Variants in LHCGR observed in about 807,000 individuals in gnomAD.
LHCGR encodes the protein luteinizing hormone/choriogonadotropin receptor, also known as lutropin-choriogonadotropic hormone receptor.
In LHCGR, 55 loss-of-function variants were observed where a neutral mutation model predicts 60.7. That is an observed-to-expected ratio of 0.91 (90% CI 0.73 to 1.13). The LOEUF (loss-of-function observed/expected upper bound fraction) is 1.13, where lower values mean the gene tolerates loss of function less well. LHCGR is among the 50% of genes most tolerant of loss of function. The pLI is 0.00. For missense variants in LHCGR, 862 were observed against 836.0 expected (o/e 1.03, Z -0.38); for synonymous variants, 337 against 316.5 (o/e 1.06, Z -0.69).
At chr2:48,718,870 A>G (rs1407221812) in intron 6 of LHCGR, among the ~76,000 whole-genome samples, 1 of 152,226 alleles carries the variant, frequency 6.6e-6, no homozygotes. Context: ...TAGTCTCTAT[A>G]GCAATGGATC....
At chr2:48,746,292 G>A (rs1360246637) in intron 1 of LHCGR, among the ~76,000 whole-genome samples, 1 of 152,126 alleles carries the variant, frequency 6.6e-6, no homozygotes, top group Non-Finnish European at 1.5e-5. Flanking sequence ...CATGCCTATG[G>A]CTTATTCCTA....
At chr2:48,719,844 G>A (rs1668423951) in intron 6 of LHCGR, among the ~76,000 whole-genome samples, 1 of 152,336 alleles carries the variant, frequency 6.6e-6, no homozygotes, top group South Asian at 2.1e-4. Context: ...TCTAATTAGA[G>A]AGTTGAACTT....
intron 9 of LHCGR, among the ~76,000 whole-genome samples, 162 bp downstream of exon 9, chr2:48,698,453 C>T (rs1014272820): frequency 1.3e-5 from 2 of 152,190 alleles, no homozygotes; most frequent in Admixed American, 1.3e-4. Context: ...GGAAACAGAA[C>T]AGTTTGTTTT....
rs192019637 is a variant in LHCGR, at chr2:48,741,971, G to A, written c.162-10673C>T. On this transcript the variant is annotated intron_variant, in intron 1 of 10. Coordinates refer to ENST00000294954, the MANE Select transcript of LHCGR (RefSeq NM_000233.4). ...CATGTCACGTGCAGAGACACACATAGGTTCAAAATAAATGGATGGAGGAAG... is the reference window on the plus strand; with the variant it reads ...CATGTCACGTGCAGAGACACACATAAGTTCAAAATAAATGGATGGAGGAAG... 5.9e-3 allele frequency among the ~76,000 whole-genome samples: 901 copies of A among 152,242 alleles called. 6 individuals are homozygous for A. The highest frequency in any genetic ancestry group is 0.014 in the Middle Eastern group (4 of 294).
At chr2:48,737,263 A>C (rs1572882213) in intron 1 of LHCGR, among the ~76,000 whole-genome samples, 1 of 152,362 alleles carries the variant, frequency 6.6e-6, no homozygotes, top group East Asian at 1.9e-4. Flanking sequence ...ACAGATAATG[A>C]GTTTATTGCT....
intron 1 of LHCGR, among the ~76,000 whole-genome samples, chr2:48,734,942 G>A (rs1437166640): frequency 6.6e-6 from 1 of 152,206 alleles, no homozygotes; most frequent in Admixed American, 6.5e-5. Context: ...TCTCTTGAAA[G>A]GTGAGACGGC....
intron 2 of LHCGR, among the ~76,000 whole-genome samples, chr2:48,730,145 A>C (rs1668925864): frequency 6.6e-6 from 1 of 152,224 alleles, no homozygotes; most frequent in Admixed American, 6.5e-5. Context: ...TGATGAGAGC[A>C]TTAGCCCACA....
At chr2:48,745,662 C>T (rs1449764763) in intron 1 of LHCGR, among the ~76,000 whole-genome samples, 1 of 125,860 alleles carries the variant, frequency 7.9e-6, no homozygotes, top group Non-Finnish European at 1.5e-5. Context: ...CACATGGACA[C>T]AGGAAGGGGA....
chr2:48,738,097 C>T (rs986499195), intron 1 of LHCGR, among the ~76,000 whole-genome samples: 1 of 152,196 alleles, frequency 6.6e-6, no homozygotes, highest in Non-Finnish European at 1.5e-5. Flanking sequence ...CTGAAAAGAG[C>T]CATCAGCTTC....
intron 1 of LHCGR, among the ~76,000 whole-genome samples, chr2:48,740,004 C>G (rs141277267): frequency 0.15 from 23,452 of 152,142 alleles, 2,257 homozygotes; most frequent in East Asian, 0.32. Flanking sequence ...CGAGCTGAAG[C>G]AGGGCGAGGC....
chr2:48,745,036 G>A lies in LHCGR; in HGVS notation c.161+10475C>T, dbSNP rs1350096183. On this transcript the variant is annotated intron_variant, in intron 1 of 10. Transcript: ENST00000294954. ...CAACCCCATCAAAAAGTGGGCGAAG[G>A]ACATGAACAGACACTTCTCAAAAGA... is the stretch of plus-strand genomic sequence containing the variant. Among the ~76,000 whole-genome samples, 4 of 152,040 alleles carry A rather than the reference G, an allele frequency of 2.6e-5. No homozygotes were observed. The East Asian group carries it at 7.7e-4, about 29-fold the overall frequency.
At chr2:48,690,623 T>C (rs1048615881) in intron 10 of LHCGR, among the ~76,000 whole-genome samples, 5 of 152,228 alleles carry the variant, frequency 3.3e-5, no homozygotes, top group African/African-American at 9.6e-5. Context: ...TCTGTCTTTG[T>C]ACGTACTTCT....
In LHCGR at chr2:48,687,717, T is replaced by C; in HGVS notation, c.2080A>G (p.Thr694Ala). The change falls in exon 11 of 11, where the codon ACT becomes GCT. Residue 694 changes from threonine to alanine, a missense_variant. Coordinates refer to ENST00000294954, the MANE Select transcript of LHCGR (RefSeq NM_000233.4). ...AACAGTTAACACTCTGTGTAGCGAG[T>C]CTTGTCTAGGAGAGCTGTACCTTGA... is the stretch of plus-strand genomic sequence containing the variant. Reference protein sequence around the residue: ...HCQGTALLDKTRYTEC With the variant: ...HCQGTALLDKARYTEC The C allele has an allele frequency of 6.2e-7, 1 of 1,613,720 alleles. No homozygotes were observed. The highest frequency in any genetic ancestry group is 8.5e-7 in the Non-Finnish European group (1 of 1,179,730).
At chr2:48,701,113 A>T (rs951978202) in intron 8 of LHCGR, among the ~76,000 whole-genome samples, 1 of 151,970 alleles carries the variant, frequency 6.6e-6, no homozygotes, top group Admixed American at 6.6e-5. Flanking sequence ...GGAGTTAGGA[A>T]ATAGAGAGTG....
At chr2:48,746,636 T>C (rs1392309500) in intron 1 of LHCGR, among the ~76,000 whole-genome samples, 2 of 152,208 alleles carry the variant, frequency 1.3e-5, no homozygotes, top group African/African-American at 4.8e-5. Flanking sequence ...GTTAAGAAGA[T>C]TCCTGGATAA....
intron 1 of LHCGR, among the ~76,000 whole-genome samples, chr2:48,745,812 G>T (rs897224924): frequency 6.6e-6 from 1 of 151,310 alleles, no homozygotes; most frequent in Non-Finnish European, 1.5e-5. Flanking sequence ...TAACCTGCAT[G>T]TTGTGCACAT....
At chr2:48,729,525 T>C (rs1351990021) in intron 2 of LHCGR, among the ~76,000 whole-genome samples, 3 of 152,186 alleles carry the variant, frequency 2.0e-5, no homozygotes, top group Non-Finnish European at 4.4e-5. Context: ...TAGAATTGCA[T>C]AGGCCCTTTG....
At chr2:48,720,843 A>G (rs1668465328) in intron 6 of LHCGR, 1 of 152,242 alleles carries the variant, frequency 6.6e-6, no homozygotes, top group Non-Finnish European at 1.5e-5. Flanking sequence ...TAGGGTTGAT[A>G]GTTCCTATCT....
At chr2:48,738,643 G>C (rs184639458) in intron 1 of LHCGR, among the ~76,000 whole-genome samples, 14 of 152,188 alleles carry the variant, frequency 9.2e-5, no homozygotes, top group African/African-American at 3.4e-4. Flanking sequence ...GACTTGCACC[G>C]TCTCATATGG....
Sources: gnomAD v4.1 joint callset for allele counts (sites outside exome capture counted in the v4.1 genomes callset) on GRCh38, gnomAD v4.1.1 for gene constraint, MANE v1.5 for transcripts, NCBI Gene and HGNC (gene_info 2026-07-23, HGNC 2026-07-21) for gene names.